The following AOAH variants were observed in gnomAD, a reference collection of about 807,000 sequenced individuals.
The protein encoded by AOAH is acyloxyacyl hydrolase (neutrophil).
AOAH carries 64 observed loss-of-function variants against 92.2 expected under a neutral mutation model. That is an observed-to-expected ratio of 0.69 (90% CI 0.57 to 0.86). The LOEUF is 0.86. Ranked by LOEUF, AOAH falls within the 40% of genes least tolerant of loss-of-function variation. The pLI is 0.00. For synonymous variants in AOAH, 263 were observed against 254.5 expected, an observed-to-expected ratio of 1.03 and a Z score of -0.32; for missense variants, 656 against 694.6, an observed-to-expected ratio of 0.94 and a Z score of 0.62.
intron 3 of AOAH, among the ~76,000 whole-genome samples, chr7:36,668,261 CAA>C (rs1244133799): frequency 6.6e-6 from 1 of 152,126 alleles, no homozygotes; most frequent in African/African-American, 2.4e-5. Context: ...GTAAAACTCA[CAA>C]AAGAGTGGGT....
chr7:36,547,005 C>A lies in AOAH; in HGVS notation c.1133+1607G>T, dbSNP rs575641724. On this transcript the variant is annotated intron_variant, in intron 15 of 20. Coordinates refer to ENST00000617537, the MANE Select transcript of AOAH (RefSeq NM_001637.4). ...CAGGGAATGGAATTTGGTTAGATAA[C>A]CTGGTTTGGCTCCCAGCTTTGATGC... 7.9e-5 allele frequency among the ~76,000 whole-genome samples: 12 copies of A among 152,302 alleles called. No homozygotes were observed. The South Asian group carries it at 1.0e-3, about 13-fold the overall frequency.
intron 12 of AOAH, among the ~76,000 whole-genome samples, chr7:36,577,662 C>T (rs2718173): frequency 0.62 from 93,953 of 151,922 alleles, 29,864 homozygotes; most frequent in African/African-American, 0.78. Flanking sequence ...CATTTTCTTT[C>T]GCTTAATATA....
chr7:36,711,701 A>G (rs1798779680), intron 1 of AOAH, among the ~76,000 whole-genome samples: 2 of 152,232 alleles, frequency 1.3e-5, no homozygotes, highest in Non-Finnish European at 2.9e-5. Context: ...AGCTGTGTCC[A>G]GAGAATGAGG....
chr7:36,705,975 A>T (rs914033328), intron 1 of AOAH, among the ~76,000 whole-genome samples: 5 of 152,094 alleles, frequency 3.3e-5, no homozygotes, highest in Non-Finnish European at 7.4e-5. Context: ...ACTGAAAATG[A>T]ACCCCTTCCT....
intron 11 of AOAH, among the ~76,000 whole-genome samples, chr7:36,613,313 C>T (rs1025640709): frequency 6.6e-6 from 1 of 152,132 alleles, no homozygotes; most frequent in African/African-American, 2.4e-5. Context: ...CTAGTATCTT[C>T]CCTCGTTGTT....
intron 3 of AOAH, among the ~76,000 whole-genome samples, chr7:36,671,794 CCT>C (rs1219675468): frequency 6.6e-6 from 1 of 151,852 alleles, no homozygotes; most frequent in Non-Finnish European, 1.5e-5. Flanking sequence ...GCAGAAACCT[CCT>C]GGTGTGTGGG....
rs754108211 is a variant in AOAH at position 36,618,340 on chromosome 7, G to A, written c.708C>T (p.Val236=). 5.0e-6 allele frequency: 8 copies of A among 1,613,676 alleles called. No individual in the cohort carries two copies. The highest frequency in any genetic ancestry group is 1.7e-5 in the Admixed American group (1 of 59,974). Reference sequence around the variant, plus strand: ...CATATGGAACTCCATCTTTTGGATCGACACCCTTTAAAAAAGAAACGATGT... The same window carrying A: ...CATATGGAACTCCATCTTTTGGATCAACACCCTTTAAAAAAGAAACGATGT... The part of the protein sequence containing the change: ...QDSNCNGIWG[V]DPKDGVPYEK... The change falls in exon 10 of 21, where the codon GTC becomes GTT. Residue 236 remains valine, a synonymous_variant. Transcript: ENST00000617537.
intron 13 of AOAH, among the ~76,000 whole-genome samples, chr7:36,555,725 T>A (rs1786655641): frequency 1.3e-5 from 2 of 152,220 alleles, no homozygotes; most frequent in South Asian, 4.1e-4. Context: ...AGAGCGTATG[T>A]GTCAAGGAAT....
chr7:36,711,727 C>A (rs141645486), intron 1 of AOAH, among the ~76,000 whole-genome samples: 117 of 152,206 alleles, frequency 7.7e-4, no homozygotes, highest in African/African-American at 2.7e-3. Flanking sequence ...CCAGCTAGAC[C>A]GCGAAGATCT....
At position 36,671,609 on chromosome 7, in the gene AOAH, ATGTG is replaced by A. The variant is rs879658034; in HGVS notation, c.290+2330_290+2333del. Among the ~76,000 whole-genome samples, 564 of 150,198 alleles carry A rather than the reference ATGTG, an allele frequency of 3.8e-3. 6 individuals are homozygous for A. Among genetic ancestry groups the A allele is most frequent in the African/African-American group, 0.013 (520 of 40,428 alleles). ...TGCATGTGCTCATGCGTGTGTGTGT[ATGTG>A]TGTGTGCGTGTGTGCATCTGTGTGT... On this transcript the variant is annotated intron_variant, in intron 3 of 20. Coordinates refer to ENST00000617537, the MANE Select transcript of AOAH (RefSeq NM_001637.4).
intron 19 of AOAH, among the ~76,000 whole-genome samples, chr7:36,527,649 C>T (rs1784471815): frequency 6.6e-6 from 1 of 152,180 alleles, no homozygotes; most frequent in Non-Finnish European, 1.5e-5. Flanking sequence ...TTTTGTTTTA[C>T]TTAATCTTTA....
At chr7:36,661,457 G>T (rs1370679097) in intron 3 of AOAH, among the ~76,000 whole-genome samples, 1 of 152,078 alleles carries the variant, frequency 6.6e-6, no homozygotes, top group Non-Finnish European at 1.5e-5. Context: ...GGGTTCCTTT[G>T]GTTTACTGTC....
At chr7:36,623,527 G>A (rs78044604) in intron 6 of AOAH, among the ~76,000 whole-genome samples, 4,368 of 152,268 alleles carry the variant, frequency 0.029, 204 homozygotes, top group African/African-American at 0.1. Context: ...AGGGCAAGGG[G>A]TATTGATGTT....
At chr7:36,677,729 C>T (rs1435572382) in intron 2 of AOAH, among the ~76,000 whole-genome samples, 1 of 152,116 alleles carries the variant, frequency 6.6e-6, no homozygotes, top group Non-Finnish European at 1.5e-5. Context: ...AATAGATCAA[C>T]AAACGTGGTA....
chr7:36,713,035 GC>G (rs532698190), intron 1 of AOAH, among the ~76,000 whole-genome samples: 1,385 of 91,900 alleles, frequency 0.015, 12 homozygotes, highest in East Asian at 0.026. Flanking sequence ...ACACAGACTG[GC>G]AAATTGGATA....
At chr7:36,600,877 T>C (rs1790518120) in intron 11 of AOAH, among the ~76,000 whole-genome samples, 1 of 152,214 alleles carries the variant, frequency 6.6e-6, no homozygotes, top group East Asian at 1.9e-4. Context: ...CCGCCATCTT[T>C]TCCTTCTCTC....
At chr7:36,631,633 C>G (rs761234973) in intron 6 of AOAH, among the ~76,000 whole-genome samples, 2 of 152,182 alleles carry the variant, frequency 1.3e-5, no homozygotes, top group Non-Finnish European at 2.9e-5. Flanking sequence ...CCTGTCCAAC[C>G]TTGTGAGTGT....
chr7:36,671,630 T>C (rs1238343758), intron 3 of AOAH, among the ~76,000 whole-genome samples: 1 of 146,338 alleles, frequency 6.8e-6, no homozygotes, highest in Non-Finnish European at 1.5e-5. Flanking sequence ...CGTGTGTGCA[T>C]CTGTGTGTGT....
chr7:36,531,066 G>A (rs889555134), intron 18 of AOAH, among the ~76,000 whole-genome samples: 5 of 152,132 alleles, frequency 3.3e-5, no homozygotes, highest in Non-Finnish European at 7.4e-5. Flanking sequence ...ATATAGTCAC[G>A]TATAAACTTT....
Sources: gnomAD v4.1 joint callset for allele counts (sites outside exome capture counted in the v4.1 genomes callset) on GRCh38, gnomAD v4.1.1 for gene constraint, MANE v1.5 for transcripts, NCBI Gene and HGNC (gene_info 2026-07-23, HGNC 2026-07-21) for gene names.